Variants in PRKCE observed in about 807,000 individuals in gnomAD.
The protein encoded by PRKCE is protein kinase C epsilon type.
PRKCE carries 16 observed loss-of-function variants against 85.4 expected under a neutral mutation model. That is an observed-to-expected ratio of 0.19 (90% confidence interval 0.13 to 0.28). The LOEUF (loss-of-function observed/expected upper bound fraction) is 0.28, where lower values mean the gene tolerates loss of function less well. Among genes scored for constraint, PRKCE ranks in the 10% least tolerant of loss-of-function variants. The probability of loss-of-function intolerance (pLI) is 1.00; values close to 1 mark genes in which losing one functional copy is unlikely to be tolerated. For missense variants in PRKCE, 573 were observed against 975.2 expected (o/e 0.59, Z 5.49); for synonymous variants, 388 against 371.5 (o/e 1.04, Z -0.51).
intron 1 of PRKCE, among the ~76,000 whole-genome samples, chr2:45,838,532 T>G (rs1031597287): frequency 6.6e-6 from 1 of 152,178 alleles, no homozygotes; most frequent in African/African-American, 2.4e-5. Context: ...CCGAATACCC[T>G]GGGTATAGCC....
At chr2:45,815,796 C>A (rs76697770) in intron 1 of PRKCE, among the ~76,000 whole-genome samples, 7,802 of 152,278 alleles carry the variant, frequency 0.051, 275 homozygotes, top group Non-Finnish European at 0.074. Flanking sequence ...GTAACTCCTC[C>A]TTTTAGAACT....
chr2:45,888,329 C>G (rs530983367), intron 2 of PRKCE, among the ~76,000 whole-genome samples: 1 of 152,238 alleles, frequency 6.6e-6, no homozygotes, highest in Non-Finnish European at 1.5e-5. Context: ...TCTTAATTGC[C>G]AAGCCTTTAC....
chr2:45,760,696 G>A (rs557990513), intron 1 of PRKCE, among the ~76,000 whole-genome samples: 1 of 152,282 alleles, frequency 6.6e-6, no homozygotes, highest in South Asian at 2.1e-4. Flanking sequence ...AATTCCCAAA[G>A]GAGGCTTTGT....
chr2:45,716,687 AAGAGAAGGAAGGAAG>A (rs1362629982), intron 1 of PRKCE, among the ~76,000 whole-genome samples: 4 of 71,012 alleles, frequency 5.6e-5, no homozygotes, highest in East Asian at 5.3e-4. Flanking sequence ...GAAGAAGAAG[AAGAGAAGGAAGGAAG>A]GAAGGAAGGA....
intron 10 of PRKCE, among the ~76,000 whole-genome samples, chr2:46,034,875 C>T (rs1202879367): frequency 6.6e-6 from 1 of 152,258 alleles, no homozygotes; most frequent in African/African-American, 2.4e-5. Flanking sequence ...CTGAGGTTTG[C>T]ACCTTTGCAA....
chr2:45,952,141 C>T (rs778705480), intron 2 of PRKCE, among the ~76,000 whole-genome samples: 1 of 152,232 alleles, frequency 6.6e-6, no homozygotes, highest in Admixed American at 6.5e-5. Context: ...TTGATTCAGA[C>T]TCTTAAAAGA....
chr2:45,946,185 C>T (rs1168611185), intron 2 of PRKCE, among the ~76,000 whole-genome samples: 1 of 152,224 alleles, frequency 6.6e-6, no homozygotes, highest in Non-Finnish European at 1.5e-5. Context: ...TCCCTTAAAT[C>T]CCTGCCCACA....
intron 2 of PRKCE, among the ~76,000 whole-genome samples, chr2:45,929,215 A>G (rs987579400): frequency 3.3e-5 from 5 of 152,212 alleles, no homozygotes; most frequent in African/African-American, 1.2e-4. Context: ...CCCCAAGCCA[A>G]TGGATTTGGG....
At position 45,895,813 on chromosome 2, in the gene PRKCE, G is replaced by T. The variant is rs573193991; in HGVS notation, c.412+52750G>T. 2.6e-5 allele frequency among the ~76,000 whole-genome samples: 4 copies of T among 152,184 alleles called. No individual in the cohort carries two copies. Among genetic ancestry groups the T allele is most frequent in the Non-Finnish European group, 5.9e-5 (4 of 68,032 alleles). ...CAGGAATCTACGCAGGTGCGCAGGT[G>T]TAGAGGAAGTGCTGTAGGGCCGCAG... On this transcript the variant is annotated intron_variant, in intron 2 of 14. Transcript: ENST00000306156. This position sits in a 1 kb window ranked among gnomAD's most constrained non-coding sequence, Gnocchi z 4.8.
intron 1 of PRKCE, among the ~76,000 whole-genome samples, chr2:45,707,581 C>T (rs1679218146): frequency 6.6e-6 from 1 of 152,136 alleles, no homozygotes; most frequent in South Asian, 2.1e-4. Context: ...CTGTGCTTGT[C>T]CTTTTGGGAG....
At chr2:45,873,164 A>G (rs911353248) in intron 2 of PRKCE, among the ~76,000 whole-genome samples, 1 of 152,210 alleles carries the variant, frequency 6.6e-6, no homozygotes, top group African/African-American at 2.4e-5. Flanking sequence ...TTGGACGGCC[A>G]CTTCCTAGTC....
At chr2:46,019,847 C>CTTTTTTTTTT (rs869079304) in intron 10 of PRKCE, among the ~76,000 whole-genome samples, 2 of 105,912 alleles carry the variant, frequency 1.9e-5, no homozygotes, top group Non-Finnish European at 3.6e-5. Flanking sequence ...TTGGTTTTCT[C>CTTTTTTTTTT]TTTTTTTTTT....
intron 1 of PRKCE, among the ~76,000 whole-genome samples, chr2:45,680,193 G>T (rs921145338): frequency 6.6e-6 from 1 of 152,162 alleles, no homozygotes; most frequent in Admixed American, 6.5e-5. Context: ...TTTGATATTG[G>T]TGTTCTAAAC....
At chr2:45,790,468 G>A (rs763372319) in intron 1 of PRKCE, among the ~76,000 whole-genome samples, 1 of 152,210 alleles carries the variant, frequency 6.6e-6, no homozygotes, top group Non-Finnish European at 1.5e-5. Context: ...AGAGCGTAGA[G>A]CAAGTTTTCA....
chr2:45,724,180 A>G (rs528685280), intron 1 of PRKCE, among the ~76,000 whole-genome samples: 8 of 152,250 alleles, frequency 5.3e-5, no homozygotes, highest in African/African-American at 1.7e-4. Context: ...TTCTAATAGC[A>G]TATGTTCACT....
chr2:45,934,427 T>A (rs1699281901), intron 2 of PRKCE, among the ~76,000 whole-genome samples: 3 of 152,236 alleles, frequency 2.0e-5, no homozygotes, highest in East Asian at 3.9e-4. Context: ...GGCGAGCAGG[T>A]CACTTGAGGT....
At chr2:45,930,565 A>C (rs1217073108) in intron 2 of PRKCE, among the ~76,000 whole-genome samples, 1 of 152,224 alleles carries the variant, frequency 6.6e-6, no homozygotes, top group African/African-American at 2.4e-5. Flanking sequence ...CCACCTTCCA[A>C]TTGGAATGCC....
At chr2:45,832,981 G>A (rs890660127) in intron 1 of PRKCE, among the ~76,000 whole-genome samples, 17 of 152,010 alleles carry the variant, frequency 1.1e-4, no homozygotes, top group Admixed American at 9.2e-4. Context: ...AACTCAGAAA[G>A]ATGGAAACAA....
intron 1 of PRKCE, among the ~76,000 whole-genome samples, chr2:45,698,782 C>A (rs571383612): frequency 2.6e-5 from 4 of 152,264 alleles, no homozygotes; most frequent in African/African-American, 9.6e-5. Context: ...TGGCCAAGGA[C>A]AGACTTGTGG....
Sources: allele counts gnomAD v4.1 joint callset (sites outside exome capture counted in the v4.1 genomes callset), GRCh38; gene constraint gnomAD v4.1.1; non-coding constraint Gnocchi (gnomAD v3.1); transcripts MANE v1.5; gene names NCBI Gene and HGNC (gene_info 2026-07-23, HGNC 2026-07-21).